NCK1: variants seen among roughly 807,000 people sequenced by gnomAD.
NCK1 encodes the protein NCK adaptor protein 1.
A neutral mutation model predicts 36.6 loss-of-function variants in NCK1; 19 were observed. The observed-to-expected ratio is 0.52, with a 90% CI of 0.36 to 0.76. The LOEUF is 0.76. NCK1 is among the 30% of genes least tolerant of loss of function. The pLI is 0.00. For missense variants in NCK1, 358 were observed against 445.6 expected (o/e 0.80, Z 1.77); for synonymous variants, 165 against 156.0 (o/e 1.06, Z -0.43).
intron 1 of NCK1, among the ~76,000 whole-genome samples, chr3:136,892,412 G>A (rs1687723376): frequency 6.6e-6 from 1 of 152,172 alleles, no homozygotes; most frequent in Non-Finnish European, 1.5e-5. Context: ...CTGATGTCCT[G>A]GATTATCTGA....
At position 136,898,463 on chromosome 3, in the gene NCK1, G is replaced by A. The variant is rs532892836; in HGVS notation, c.-18-29521G>A. On this transcript the variant is annotated intron_variant, in intron 1 of 3. Transcript: ENST00000481752. Reference sequence around the variant, plus strand: ...CAAAACATTTCCACTTTTATTAAAGGTTTTGACAATGAAGATATCACTAAA... The same window carrying A: ...CAAAACATTTCCACTTTTATTAAAGATTTTGACAATGAAGATATCACTAAA... Among the ~76,000 whole-genome samples, 3 of 151,242 alleles carry A rather than the reference G, an allele frequency of 2.0e-5. No homozygotes were observed. The South Asian group carries it at 6.3e-4, about 32-fold the overall frequency.
chr3:136,909,585 T>C (rs1282265012), intron 1 of NCK1, among the ~76,000 whole-genome samples: 1 of 152,188 alleles, frequency 6.6e-6, no homozygotes, highest in Non-Finnish European at 1.5e-5. Flanking sequence ...TGTTGTTGGA[T>C]AGTGTTCTCT....
At chr3:136,888,177 T>C (rs1939124932) in intron 1 of NCK1, among the ~76,000 whole-genome samples, 1 of 152,042 alleles carries the variant, frequency 6.6e-6, no homozygotes, top group Admixed American at 6.6e-5. Flanking sequence ...ACTCCTGACC[T>C]CGTGATCTGC....
Position 136,946,310 on chromosome 3 carries a change from G to A in NCK1, c.939+15G>A, listed in dbSNP as rs201236804. 1.2e-4 allele frequency: 191 copies of A among 1,584,356 alleles called. No individual in the cohort carries two copies. The Middle Eastern group carries it at 1.5e-3, about 13-fold the overall frequency. Reference sequence around the variant, plus strand: ...GTGAATCTTCGGTAAGTTGATTTTCGGAGGTAAATACAAATAGAGCTCTGG... The same window carrying A: ...GTGAATCTTCGGTAAGTTGATTTTCAGAGGTAAATACAAATAGAGCTCTGG... On this transcript the variant is annotated intron_variant, in intron 3 of 3. Coordinates refer to ENST00000481752, the MANE Select transcript of NCK1 (RefSeq NM_001291999.2).
intron 1 of NCK1, among the ~76,000 whole-genome samples, chr3:136,891,135 A>G (rs1008135618): frequency 2.0e-5 from 3 of 152,200 alleles, no homozygotes; most frequent in Admixed American, 6.5e-5. Context: ...TACTCATTCA[A>G]CTGATGACAG....
At chr3:136,914,772 T>C (rs1939916900) in intron 1 of NCK1, among the ~76,000 whole-genome samples, 1 of 152,240 alleles carries the variant, frequency 6.6e-6, no homozygotes, top group South Asian at 2.1e-4. Flanking sequence ...GGTTTGAATG[T>C]TCTCTCCAAA....
intron 1 of NCK1, among the ~76,000 whole-genome samples, chr3:136,867,101 TTTCTTTCTTTCTTTCTTTG>T (rs1938451972): frequency 8.9e-5 from 3 of 33,600 alleles, no homozygotes; most frequent in African/African-American, 3.5e-4. Flanking sequence ...TCTTTCTTTC[TTTCTTTCTTTCTTTCTTTG>T]TTTCTTTCTT....
At chr3:136,878,087 C>A (rs1288417726) in intron 1 of NCK1, among the ~76,000 whole-genome samples, 2 of 152,148 alleles carry the variant, frequency 1.3e-5, no homozygotes, top group Non-Finnish European at 2.9e-5. Context: ...TTGTATGATA[C>A]ATGCTATAAC....
intron 1 of NCK1, among the ~76,000 whole-genome samples, chr3:136,870,629 T>G (rs1259174911): frequency 1.3e-5 from 2 of 151,334 alleles, no homozygotes; most frequent in Non-Finnish European, 2.9e-5. Context: ...CCAGTAATTC[T>G]GCTGCCCAAG....
chr3:136,911,434 A>G, intron 1 of NCK1, among the ~76,000 whole-genome samples: 1 of 152,198 alleles, frequency 6.6e-6, no homozygotes, highest in Non-Finnish European at 1.5e-5. Flanking sequence ...GTTCTTTTTG[A>G]TAAAAGCCAT....
rs1182009663 is a variant in NCK1 at position 136,881,250 on chromosome 3, C to CA, written c.-19+18898dup. Among the ~76,000 whole-genome samples the CA allele has an allele frequency of 2.0e-5, 3 of 152,106 alleles. No individual in the cohort carries two copies. The East Asian group carries it at 5.8e-4, about 29-fold the overall frequency. On this transcript the variant is annotated intron_variant, in intron 1 of 3. Coordinates refer to ENST00000481752, the MANE Select transcript of NCK1 (RefSeq NM_001291999.2). ...TTTAATTTTTTTTGAGATGGAGTCT[C>CA]ACTCTGTCACCCAGGCTGGAGTGCA...
chr3:136,911,430 T>C (rs1323900910), intron 1 of NCK1, among the ~76,000 whole-genome samples: 2 of 152,262 alleles, frequency 1.3e-5, no homozygotes, highest in African/African-American at 4.8e-5. Context: ...TATTGTTCTT[T>C]TTGATAAAAG....
At chr3:136,938,845 G>A (rs1940600523) in intron 2 of NCK1, among the ~76,000 whole-genome samples, 1 of 152,190 alleles carries the variant, frequency 6.6e-6, no homozygotes, top group Admixed American at 6.5e-5. Context: ...TGCTAATTCA[G>A]TATTTATGGT....
chr3:136,941,641 T>C (rs940716228), intron 2 of NCK1, among the ~76,000 whole-genome samples: 110 of 152,284 alleles, frequency 7.2e-4, no homozygotes, highest in Admixed American at 7.2e-4. Flanking sequence ...TATATGCCCA[T>C]TAACCTAGAA....
chr3:136,920,801 TTAAC>T (rs1940090440), intron 1 of NCK1, among the ~76,000 whole-genome samples: 2 of 152,192 alleles, frequency 1.3e-5, no homozygotes, highest in Admixed American at 1.3e-4. Context: ...ATTGTCATAA[TTAAC>T]ACAGCAAACA....
rs548833073 is a variant in NCK1, at chr3:136,945,686, C to T, written c.330C>T (p.Pro110=). Residue 110 remains proline, a synonymous_variant, in exon 3 of 4, where the codon CCC becomes CCT. Transcript: ENST00000481752. Reference sequence around the variant, plus strand: ...AACGTCTCTATGACCTCAACATGCCCGCTTATGTGAAATTTAACTACATGG... The same window carrying T: ...AACGTCTCTATGACCTCAACATGCCTGCTTATGTGAAATTTAACTACATGG... ...PGERLYDLNM[P]AYVKFNYMAE... 4.4e-5 allele frequency: 71 copies of T among 1,614,004 alleles called. No individual in the cohort carries two copies. The Admixed American group carries it at 6.3e-4, about 14-fold the overall frequency.
chr3:136,884,718 C>CTTTTTTT (rs72234296), intron 1 of NCK1, among the ~76,000 whole-genome samples: 1 of 145,096 alleles, frequency 6.9e-6, no homozygotes. Context: ...CATGCCTGAG[C>CTTTTTTT]TTTTTTTTTT....
At chr3:136,924,693 T>A (rs1358970768) in intron 1 of NCK1, among the ~76,000 whole-genome samples, 1 of 152,222 alleles carries the variant, frequency 6.6e-6, no homozygotes, top group Admixed American at 6.5e-5. Context: ...TCAGAAACAT[T>A]GTGAGTAGAG....
rs544786997 is a variant in NCK1 at position 136,935,376 on chromosome 3, AC to A, written c.226+7150del. On this transcript the variant is annotated intron_variant, in intron 2 of 3. Transcript: ENST00000481752. ...AACTTAGTCTGTATTTTCAGGTTTAACTTTTTTTTTTTGTATGTGCCTCATA... is the reference window on the plus strand; with the variant it reads ...AACTTAGTCTGTATTTTCAGGTTTAATTTTTTTTTTTGTATGTGCCTCATA... Among the ~76,000 whole-genome samples, 12 of 151,996 alleles carry A rather than the reference AC, an allele frequency of 7.9e-5. No homozygotes were observed. The South Asian group carries it at 2.5e-3, about 32-fold the overall frequency.
Sources: allele counts gnomAD v4.1 joint callset (sites outside exome capture counted in the v4.1 genomes callset), GRCh38; gene constraint gnomAD v4.1.1; transcripts MANE v1.5; gene names NCBI Gene and HGNC (gene_info 2026-07-23, HGNC 2026-07-21).